BOC: variants seen among roughly 807,000 people sequenced by gnomAD.
The protein encoded by BOC is BOC cell adhesion associated, oncogene regulated, also known as brother of CDO.
A neutral mutation model predicts 112.0 loss-of-function variants in BOC; 76 were observed. The ratio of observed to expected loss-of-function variants is 0.68; its 90% CI spans 0.56 to 0.82. The LOEUF (loss-of-function observed/expected upper bound fraction) is 0.82. BOC is among the 40% of genes least tolerant of loss of function. The pLI, the probability that BOC is intolerant of heterozygous loss-of-function variation, is 0.00. For missense variants in BOC, 1,309 were observed against 1,511.7 expected, an observed-to-expected ratio of 0.87 and a Z score of 2.22; for synonymous variants, 580 against 599.8, an observed-to-expected ratio of 0.97 and a Z score of 0.48.
At chr3:113,285,721 C>T (rs1949620679) in intron 19 of BOC, among the ~76,000 whole-genome samples, 156 bp downstream of exon 19, 2 of 152,186 alleles carry the variant, frequency 1.3e-5, no homozygotes. Context: ...GGGTGGCTGG[C>T]CACTTTCCTT....
chr3:113,263,945 C>T (rs1576451483), intron 4 of BOC, among the ~76,000 whole-genome samples: 1 of 152,300 alleles, frequency 6.6e-6, no homozygotes, highest in Non-Finnish European at 1.5e-5. Flanking sequence ...GAAGAGAACA[C>T]AGAGTACATC....
rs1247236621 is a variant in BOC, at chr3:113,274,636, G to C, written c.1496G>C (p.Gly499Ala). 6.2e-7 allele frequency: 1 copy of C among 1,608,916 alleles called. No homozygotes were observed. Among genetic ancestry groups the C allele is most frequent in the African/African-American group, 1.3e-5 (1 of 74,856 alleles). The change falls in exon 9 of 20, where the codon GGC becomes GCC. Residue 499 changes from glycine (G) to alanine (A), a missense_variant. Physicochemically the swap from Gly to Ala is moderately conservative, Grantham distance 60 (BLOSUM62 0). Coordinates refer to ENST00000682979, the MANE Select transcript of BOC (RefSeq NM_001378074.1). This position sits in a 1 kb window ranked among gnomAD's most constrained non-coding sequence, Gnocchi z 4.8. ...YELVWRPRHE[G>A]SGRAPILYYV... ...CTGGTGTGGCGGCCTCGGCATGAGG[G>C]CAGTGGCCGGGCGCCAATCCTCTAC...
At position 113,274,468 on chromosome 3, in the gene BOC, G is replaced by C. The variant is rs145086237; in HGVS notation, c.1328G>C (p.Arg443Thr). ...CTCGGCAACCCTGAGCAGATGCTGA[G>C]GGGGCAACCGGCGCTCCCCAGACCC... is the stretch of plus-strand genomic sequence containing the variant. ...SKLGNPEQML[R>T]GQPALPRPPT... Residue 443 changes from arginine (R) to threonine (T), a missense_variant, in exon 9 of 20, where the codon AGG becomes ACG. By Grantham distance (71) the Arg-to-Thr change is moderately conservative (BLOSUM62 -1). Transcript: ENST00000682979. The surrounding 1 kb of genome is among the most constrained non-coding windows in gnomAD (Gnocchi z 4.8). The C allele has an allele frequency of 6.2e-7, 1 of 1,611,158 alleles. No homozygotes were observed. The highest frequency in any genetic ancestry group is 1.3e-5 in the African/African-American group (1 of 74,872).
intron 2 of BOC, among the ~76,000 whole-genome samples, chr3:113,228,049 C>T (rs534675375): frequency 2.6e-5 from 4 of 152,210 alleles, no homozygotes; most frequent in Admixed American, 1.3e-4. Context: ...GTTTGATTTG[C>T]GATTGTTCCC....
intron 2 of BOC, among the ~76,000 whole-genome samples, chr3:113,224,480 T>C (rs1941309310): frequency 1.3e-5 from 2 of 148,168 alleles, no homozygotes; most frequent in South Asian, 4.2e-4. Context: ...GTGGATTTTA[T>C]AAGGCATAGA....
chr3:113,242,122 CAAAA>C (rs796226387), intron 2 of BOC, among the ~76,000 whole-genome samples: 1 of 119,638 alleles, frequency 8.4e-6, no homozygotes, highest in Non-Finnish European at 1.8e-5. Flanking sequence ...CCTCCAAAAA[CAAAA>C]AAAAAAAAAG....
chr3:113,244,686 A>G (rs573038510), intron 2 of BOC, among the ~76,000 whole-genome samples: 3 of 152,358 alleles, frequency 2.0e-5, no homozygotes, highest in African/African-American at 7.2e-5. Flanking sequence ...TATTTCCATC[A>G]TTGCAGAAAA....
At chr3:113,282,097 G>A (rs1276289605) in intron 15 of BOC, among the ~76,000 whole-genome samples, 1 of 152,196 alleles carries the variant, frequency 6.6e-6, no homozygotes, top group Non-Finnish European at 1.5e-5. Flanking sequence ...AGATGGTTGG[G>A]GTGTCAGGCA....
At chr3:113,280,495 G>A (rs994870450) in intron 13 of BOC, 63 bp from the exon 14 acceptor site, 4 of 1,168,824 alleles carry the variant, frequency 3.4e-6, no homozygotes, top group Non-Finnish European at 5.2e-6. Flanking sequence ...ATACACCAGT[G>A]GTTTTGCTTT....
chr3:113,270,392 A>T (rs1947979426), intron 5 of BOC: 2 of 178,582 alleles, frequency 1.1e-5, no homozygotes, highest in African/African-American at 4.7e-5. Flanking sequence ...TGTATCAGAG[A>T]GATTAATTAA....
In BOC at chr3:113,280,033, T is replaced by C. The variant is rs544370332; in HGVS notation, c.2205+28T>C. 7.0e-4 allele frequency: 1,100 copies of C among 1,573,142 alleles called. 17 individuals carry two copies. The South Asian group carries it at 0.012, about 17-fold the overall frequency. Reference sequence around the variant, plus strand: ...AAGCGGGCCTGGCCGTGGACTGCAGTGGAAGACGGCCTCCCCTAAATGCCC... The same window carrying C: ...AAGCGGGCCTGGCCGTGGACTGCAGCGGAAGACGGCCTCCCCTAAATGCCC... On this transcript the variant is annotated intron_variant, in intron 13 of 19. Transcript: ENST00000682979.
chr3:113,220,505 G>A (rs1265957140), intron 2 of BOC, among the ~76,000 whole-genome samples: 1 of 152,180 alleles, frequency 6.6e-6, no homozygotes, highest in Non-Finnish European at 1.5e-5. Context: ...AGTGAAATGG[G>A]AGAGGCGTTC....
At chr3:113,252,477 G>A (rs1945752965) in intron 4 of BOC, among the ~76,000 whole-genome samples, 1 of 152,138 alleles carries the variant, frequency 6.6e-6, no homozygotes, top group Admixed American at 6.5e-5. Context: ...AAGAAAGCTG[G>A]GGTCCTTGGG....
In BOC at chr3:113,260,667, T is replaced by TAGAACAGAAC. The variant is rs11455670; in HGVS notation, c.377-7587_377-7578dup. Reference sequence around the variant, plus strand: ...GGCATTAGATTCTATTAGAATAGAATAGAACAGAACAGAACAGAACAGAAC... The same window carrying TAGAACAGAAC: ...GGCATTAGATTCTATTAGAATAGAATAGAACAGAACAGAACAGAACAGAACAGAACAGAAC... On this transcript the variant is annotated intron_variant, in intron 4 of 19. Transcript: ENST00000682979. 3.2e-3 allele frequency among the ~76,000 whole-genome samples: 408 copies of TAGAACAGAAC among 126,382 alleles called. 3 individuals carry two copies. The highest frequency in any genetic ancestry group is 4.3e-3 in the Admixed American group (52 of 12,220). The allele number at this position is 126,382 out of a possible 152,430, so 82.9% of individuals were successfully genotyped here.
At position 113,279,283 on chromosome 3, in the gene BOC, G is replaced by T; in HGVS notation, c.1851G>T (p.Thr617=). The part of the protein sequence containing the change: ...PEAPDRPTIS[T]ASETSVYVTW... ...CTCCCGACAGGCCCACCATCTCCACGGCCTCCGAGACCTCAGTGTACGTGA... is the reference window on the plus strand; with the variant it reads ...CTCCCGACAGGCCCACCATCTCCACTGCCTCCGAGACCTCAGTGTACGTGA... The change falls in exon 12 of 20, where the codon ACG becomes ACT. Residue 617 remains threonine, a synonymous_variant. Coordinates refer to ENST00000682979, the MANE Select transcript of BOC (RefSeq NM_001378074.1). 6.2e-7 allele frequency: 1 copy of T among 1,614,070 alleles called. No homozygotes were observed. Among genetic ancestry groups the T allele is most frequent in the African/African-American group, 1.3e-5 (1 of 75,038 alleles).
Position 113,284,826 on chromosome 3 carries a change from TG to T in BOC, c.2936del (p.Gly979AspfsTer56). On this transcript the variant is annotated frameshift_variant, in exon 18 of 20. Transcript: ENST00000682979. LOFTEE classifies it high-confidence loss of function. ...TGCTGAGGCAGACCCATCTTGGCAA[TG>T]GATATGACCCCCAAAGTCACCAGAT... ...SLLRQTHLGNGYDPQSHQITR... is the reference protein window; with the variant it reads ...SLLRQTHLGNXYDPQSHQITR... 6.2e-7 allele frequency: 1 copy of T among 1,614,188 alleles called. No individual in the cohort carries two copies. Among genetic ancestry groups the T allele is most frequent in the Non-Finnish European group, 8.5e-7 (1 of 1,180,028 alleles).
intron 18 of BOC, 49 bp from the exon 19 acceptor site, chr3:113,285,323 G>A (rs1168410557): frequency 1.3e-6 from 2 of 1,582,634 alleles, no homozygotes; most frequent in Admixed American, 1.7e-5. Flanking sequence ...TGGGGCGACA[G>A]GCCCACCCTG....
Position 113,273,352 on chromosome 3 carries a change from C to A in BOC, c.1234+11C>A, listed in dbSNP as rs767660512. 1 of 1,575,446 alleles carries A rather than the reference C, an allele frequency of 6.3e-7. No homozygotes were observed. Among genetic ancestry groups the A allele is most frequent in the Non-Finnish European group, 8.7e-7 (1 of 1,152,240 alleles). ...GGACCTCCAGGCCAAGTGAGTGTAG[C>A]CCAGGGGTCTGAGATTCCAGCTGAT... On this transcript the variant is annotated intron_variant, in intron 8 of 19. Coordinates refer to ENST00000682979, the MANE Select transcript of BOC (RefSeq NM_001378074.1).
intron 2 of BOC, among the ~76,000 whole-genome samples, chr3:113,239,130 A>G (rs1943959509): frequency 6.6e-6 from 1 of 152,176 alleles, no homozygotes; most frequent in Non-Finnish European, 1.5e-5. Context: ...AAACATCTCA[A>G]TTTTTATCTT....
Sources: allele counts gnomAD v4.1 joint callset (sites outside exome capture counted in the v4.1 genomes callset), GRCh38; gene constraint gnomAD v4.1.1; non-coding constraint Gnocchi (gnomAD v3.1); transcripts MANE v1.5; gene names NCBI Gene and HGNC (gene_info 2026-07-23, HGNC 2026-07-21).